EPB41L3: variants seen among roughly 807,000 people sequenced by gnomAD.
EPB41L3 encodes erythrocyte membrane protein band 4.1 like 3, also known as band 4.1-like protein 3.
A neutral mutation model predicts 127.1 loss-of-function variants in EPB41L3; 57 were observed. That is an observed-to-expected ratio of 0.45 (90% CI 0.36 to 0.56). The LOEUF is 0.56. EPB41L3 is among the 20% of genes least tolerant of loss of function. The probability of loss-of-function intolerance (pLI) is 0.00; values close to 1 mark genes in which losing one functional copy is unlikely to be tolerated. For missense variants in EPB41L3, 1,273 were observed against 1,372.2 expected (o/e 0.93, Z 1.14); for synonymous variants, 572 against 549.5 (o/e 1.04, Z -0.57).
intron 3 of EPB41L3, among the ~76,000 whole-genome samples, chr18:5,587,299 C>T (rs779458472): frequency 1.3e-5 from 2 of 151,814 alleles, no homozygotes; most frequent in East Asian, 3.9e-4. Flanking sequence ...AGCTTTTGCA[C>T]GTTAGTTTTG....
chr18:5,539,344 C>T (rs1280094812), intron 1 of EPB41L3, among the ~76,000 whole-genome samples: 2 of 151,972 alleles, frequency 1.3e-5, no homozygotes, highest in Non-Finnish European at 2.9e-5. Flanking sequence ...ATTAAGTTGT[C>T]AGCTTTTTCT....
rs531709091 is a variant in EPB41L3 at position 5,565,514 on chromosome 18, T to G, written c.-306+46826A>C. Among the ~76,000 whole-genome samples, 833 of 151,966 alleles carry G rather than the reference T, an allele frequency of 5.5e-3. 3 individuals are homozygous for G. Among genetic ancestry groups the G allele is most frequent in the African/African-American group, 0.019 (785 of 41,438 alleles). ...TACATGTGCACAACGTGCAGGTTAG[T>G]TACATATGTATACATGTGCCATGTT... On this transcript the variant is annotated intron_variant, in intron 3 of 21. Coordinates refer to the EPB41L3 transcript ENST00000545076.
intron 1 of EPB41L3, among the ~76,000 whole-genome samples, chr18:5,534,425 G>A (rs559194995): frequency 2.0e-5 from 3 of 152,294 alleles, no homozygotes; most frequent in Non-Finnish European, 4.4e-5. Flanking sequence ...GGGACATAAG[G>A]AGGTCTGGAT....
At chr18:5,443,321 T>A in intron 5 of EPB41L3, among the ~76,000 whole-genome samples, 1 of 152,254 alleles carries the variant, frequency 6.6e-6, no homozygotes, top group East Asian at 1.9e-4. Flanking sequence ...TAGTAAAATT[T>A]AGCAACTGTT....
Position 5,489,033 on chromosome 18 carries a change from C to G in EPB41L3, c.151G>C (p.Ala51Pro). The change falls in exon 2 of 23, where the codon GCT (alanine) becomes CCT (proline). Residue 51 changes from alanine (A) to proline (P), a missense_variant. Coordinates refer to ENST00000341928, the MANE Select transcript of EPB41L3 (RefSeq NM_012307.5). ...CGCACCGGGGTGCTGTGCGCTGCAG[C>G]GGCGGCGAACTGCTCCAGGGCCTGC... ...QQQALEQFAA[A>P]AAHSTPVRRE... 1.3e-6 allele frequency: 2 copies of G among 1,590,482 alleles called. No homozygotes were observed. Among genetic ancestry groups the G allele is most frequent in the Non-Finnish European group, 1.7e-6 (2 of 1,175,528 alleles).
chr18:5,464,840 G>A (rs1039595550), intron 3 of EPB41L3, among the ~76,000 whole-genome samples: 1 of 152,146 alleles, frequency 6.6e-6, no homozygotes, highest in Non-Finnish European at 1.5e-5. Flanking sequence ...CCAACGTCCC[G>A]AGGGACTAGA....
At chr18:5,395,208 G>C in intron 20 of EPB41L3, 61 bp from the exon 21 acceptor site, 1 of 1,435,448 alleles carries the variant, frequency 7.0e-7, no homozygotes, top group Non-Finnish European at 9.8e-7. Flanking sequence ...TCATGGTTCA[G>C]TAGGGGGAAA....
chr18:5,444,035 T>C (rs567351184), intron 4 of EPB41L3, among the ~76,000 whole-genome samples, 155 bp from the exon 5 acceptor site: 1 of 152,324 alleles, frequency 6.6e-6, no homozygotes, highest in African/African-American at 2.4e-5. Flanking sequence ...GGTGCCCCTC[T>C]GCCAAGCCCT....
At chr18:5,546,342 C>T (rs1190972164), upstream of EPB41L3, among the ~76,000 whole-genome samples, 1 of 151,984 alleles carries the variant, frequency 6.6e-6, no homozygotes, top group African/African-American at 2.4e-5. Context: ...ACCAGCCTGG[C>T]CAAGATGGTG....
intron 1 of EPB41L3, among the ~76,000 whole-genome samples, chr18:5,509,932 G>A (rs776698706): frequency 2.6e-5 from 4 of 152,086 alleles, no homozygotes; most frequent in Non-Finnish European, 4.4e-5. Flanking sequence ...CACCAAACTA[G>A]AGCCAGGTTG....
intron 4 of EPB41L3, 94 bp from the exon 5 acceptor site, chr18:5,443,974 A>C (rs1487366740): frequency 1.9e-6 from 2 of 1,062,842 alleles, no homozygotes; most frequent in Non-Finnish European, 2.7e-6. Context: ...TGCAGTGCGG[A>C]GTTAGTGGTC....
chr18:5,425,377 T>C (rs2078031763), intron 9 of EPB41L3, among the ~76,000 whole-genome samples: 1 of 152,162 alleles, frequency 6.6e-6, no homozygotes, highest in African/African-American at 2.4e-5. Flanking sequence ...GCAGTGGTGT[T>C]TGTAAAAATC....
intron 3 of EPB41L3, among the ~76,000 whole-genome samples, chr18:5,580,856 T>C (rs1475025274): frequency 6.6e-6 from 1 of 152,176 alleles, no homozygotes; most frequent in Non-Finnish European, 1.5e-5. Context: ...GTAAACCCCT[T>C]GCAGAACCTG....
At chr18:5,509,550 A>C (rs1008308528) in intron 1 of EPB41L3, among the ~76,000 whole-genome samples, 1 of 152,228 alleles carries the variant, frequency 6.6e-6, no homozygotes, top group Non-Finnish European at 1.5e-5. Context: ...AAGGTAAGTC[A>C]GCTAGCCCCA....
intron 1 of EPB41L3, among the ~76,000 whole-genome samples, chr18:5,534,179 A>G (rs1215653131): frequency 6.6e-6 from 1 of 152,214 alleles, no homozygotes; most frequent in Admixed American, 6.5e-5. Context: ...AAGAAAAAAG[A>G]AAGAAAAAAA....
intron 3 of EPB41L3, among the ~76,000 whole-genome samples, chr18:5,598,977 G>A (rs1785415): frequency 0.41 from 61,556 of 151,888 alleles, 13,028 homozygotes; most frequent in Non-Finnish European, 0.47. Context: ...ATTAACTGGA[G>A]AAGGAAAGAA....
intron 1 of EPB41L3, among the ~76,000 whole-genome samples, chr18:5,505,815 C>A (rs2092139766): frequency 7.5e-6 from 1 of 132,844 alleles, no homozygotes; most frequent in Admixed American, 7.4e-5. Context: ...CCCCTTCCCT[C>A]TACACCTTCA....
In EPB41L3 at chr18:5,441,853, T is replaced by C. The variant is rs942878305; in HGVS notation, c.529+1985A>G. On this transcript the variant is annotated intron_variant, in intron 5 of 22. Transcript: ENST00000341928. ...TTCTTTATGGCAAAGTCATATACAC[T>C]GCCTAATCTGCATGATAAAAAAATC... Among the ~76,000 whole-genome samples, 6 of 152,350 alleles carry C rather than the reference T, an allele frequency of 3.9e-5. No individual in the cohort carries two copies. In the East Asian group the frequency reaches 5.8e-4, roughly 15 times the overall value.
chr18:5,601,610 G>A (rs1285838058), intron 3 of EPB41L3, among the ~76,000 whole-genome samples: 1 of 152,096 alleles, frequency 6.6e-6, no homozygotes, highest in Non-Finnish European at 1.5e-5. Flanking sequence ...GAACAAGTAC[G>A]AATCATTGAC....
Sources: allele counts gnomAD v4.1 joint callset (sites outside exome capture counted in the v4.1 genomes callset), GRCh38; gene constraint gnomAD v4.1.1; transcripts MANE v1.5; gene names NCBI Gene and HGNC (gene_info 2026-07-23, HGNC 2026-07-21).